Variants in SEMA4F observed in about 807,000 individuals in gnomAD.
SEMA4F encodes the protein semaphorin-4F.
SEMA4F carries 51 observed loss-of-function variants against 78.4 expected under a neutral mutation model. The observed-to-expected ratio is 0.65, with a 90% CI of 0.52 to 0.82. SEMA4F has a LOEUF of 0.82. Ranked by LOEUF, SEMA4F falls within the 40% of genes least tolerant of loss-of-function variation. The pLI, the probability that SEMA4F is intolerant of heterozygous loss-of-function variation, is 0.00. For synonymous variants in SEMA4F, 418 were observed against 408.7 expected (o/e 1.02, Z -0.27); for missense variants, 938 against 1,014.4 (o/e 0.92, Z 1.02).
the SEMA4F span, among the ~76,000 whole-genome samples, chr2:74,698,577 C>T: frequency 6.6e-6 from 1 of 152,224 alleles, no homozygotes; most frequent in African/African-American, 2.4e-5. Context: ...TTCAGGGGGC[C>T]CTGCCTCAAA....
chr2:74,703,142 ATAC>A, the SEMA4F span, among the ~76,000 whole-genome samples: 3,147 of 152,282 alleles, frequency 0.021, 113 homozygotes, highest in African/African-American at 0.071. Context: ...AAAATAAATA[ATAC>A]TACGGGTTGG....
In SEMA4F at chr2:74,654,384, C is replaced by T; in HGVS notation, c.8C>T (p.Ala3Val). The T allele has an allele frequency of 3.3e-6, 5 of 1,510,452 alleles. No individual in the cohort carries two copies. Among genetic ancestry groups the T allele is most frequent in the Non-Finnish European group, 4.4e-6 (5 of 1,137,394 alleles). 93.6% of individuals were successfully genotyped at this position (1,510,452 alleles called of 1,614,324 possible). Residue 3 changes from alanine (A) to valine (V), a missense_variant, in exon 1 of 14, where the codon GCC becomes GTC. Coordinates refer to ENST00000357877, the MANE Select transcript of SEMA4F (RefSeq NM_004263.5). Reference protein sequence around the residue: MPASAARPRPGPG... With the variant: MPVSAARPRPGPG... ...GGCCAGGCGGAGCCAAAGATGCCGG[C>T]CTCTGCTGCGCGGCCCCGCCCGGGT...
the SEMA4F span, among the ~76,000 whole-genome samples, chr2:74,689,713 T>C: frequency 6.6e-6 from 1 of 152,218 alleles, no homozygotes. Context: ...AGAAAAGTGT[T>C]TCCTGACAGA....
chr2:74,705,858 G>C, the SEMA4F span, among the ~76,000 whole-genome samples: 1 of 152,098 alleles, frequency 6.6e-6, no homozygotes, highest in Non-Finnish European at 1.5e-5. Context: ...TGAGCCACTG[G>C]GCCTGGCCAT....
chr2:74,701,903 C>A, the SEMA4F span, among the ~76,000 whole-genome samples: 1 of 152,162 alleles, frequency 6.6e-6, no homozygotes, highest in African/African-American at 2.4e-5. Flanking sequence ...AAAAGGTAAT[C>A]CCAGAGGTCA....
chr2:74,705,254 G>C, the SEMA4F span, among the ~76,000 whole-genome samples: 2 of 152,186 alleles, frequency 1.3e-5, no homozygotes, highest in Admixed American at 6.5e-5. Context: ...TATTTCAAAA[G>C]TGTTAACATT....
At chr2:74,654,696 C>T (rs1043325969) in intron 1 of SEMA4F, among the ~76,000 whole-genome samples, 175 bp downstream of exon 1, 2 of 152,052 alleles carry the variant, frequency 1.3e-5, no homozygotes, top group Non-Finnish European at 2.9e-5. Context: ...CGCATCCTCT[C>T]TGCATCCCTC....
At chr2:74,667,857 G>A (rs1192141825) in intron 5 of SEMA4F, among the ~76,000 whole-genome samples, 1 of 152,088 alleles carries the variant, frequency 6.6e-6, no homozygotes, top group Non-Finnish European at 1.5e-5. Context: ...GTGAGCCCAT[G>A]GCTTCTGTTT....
the SEMA4F span, among the ~76,000 whole-genome samples, chr2:74,699,702 G>T: frequency 6.6e-6 from 1 of 152,194 alleles, no homozygotes; most frequent in African/African-American, 2.4e-5. Flanking sequence ...AAGAGACATG[G>T]AGAAGGAGCG....
At chr2:74,705,731 T>C in the SEMA4F span, among the ~76,000 whole-genome samples, 2 of 152,160 alleles carry the variant, frequency 1.3e-5, no homozygotes, top group African/African-American at 4.8e-5. Context: ...GCCTAGCTAA[T>C]TTTTAATTTT....
At chr2:74,676,041 A>C (rs1394998491) in intron 12 of SEMA4F, 132 bp downstream of exon 12, 2 of 919,326 alleles carry the variant, frequency 2.2e-6, no homozygotes, top group Non-Finnish European at 3.2e-6. Context: ...TGTCTACATC[A>C]CTCGTGTGTC....
the SEMA4F span, among the ~76,000 whole-genome samples, chr2:74,705,963 C>CTTTT: frequency 1.6e-4 from 24 of 150,778 alleles, no homozygotes; most frequent in African/African-American, 5.4e-4. Context: ...ATTTTCTTTT[C>CTTTT]TTTTTTTTTG....
chr2:74,672,566 G>A (rs1201029233), intron 5 of SEMA4F, among the ~76,000 whole-genome samples: 1 of 152,098 alleles, frequency 6.6e-6, no homozygotes, highest in African/African-American at 2.4e-5. Flanking sequence ...TCATGACTTG[G>A]TACTACTCTC....
chr2:74,707,128 A>T, the SEMA4F span, among the ~76,000 whole-genome samples: 1 of 152,222 alleles, frequency 6.6e-6, no homozygotes, highest in African/African-American at 2.4e-5. Context: ...GTTGGAAAAA[A>T]TTACTATAAA....
the SEMA4F span, among the ~76,000 whole-genome samples, chr2:74,695,275 C>T: frequency 1.3e-5 from 2 of 152,180 alleles, no homozygotes; most frequent in Non-Finnish European, 2.9e-5. Flanking sequence ...GTGTCTTATA[C>T]TCGTAGAGCT....
chr2:74,700,235 T>C, the SEMA4F span, among the ~76,000 whole-genome samples: 1 of 152,128 alleles, frequency 6.6e-6, no homozygotes, highest in Non-Finnish European at 1.5e-5. Context: ...TCTGAAAGAA[T>C]GTAGGGGTAG....
At chr2:74,683,849 T>A (rs1685742390), downstream of SEMA4F, 1 of 152,196 alleles carries the variant, frequency 6.6e-6, no homozygotes. Context: ...ATAGTTTTTG[T>A]ACCTATGAGT....
chr2:74,692,714 T>G, the SEMA4F span, among the ~76,000 whole-genome samples: 1 of 152,112 alleles, frequency 6.6e-6, no homozygotes, highest in Non-Finnish European at 1.5e-5. Flanking sequence ...GTAAGCTTTT[T>G]TGGAGCCCAC....
chr2:74,695,068 A>AT, the SEMA4F span, among the ~76,000 whole-genome samples: 5,211 of 152,134 alleles, frequency 0.034, 268 homozygotes, highest in African/African-American at 0.11. Flanking sequence ...TGGGAGGAGA[A>AT]TTTTTTTTAT....
Sources: gnomAD v4.1 joint callset for allele counts (sites outside exome capture counted in the v4.1 genomes callset) on GRCh38, gnomAD v4.1.1 for gene constraint, MANE v1.5 for transcripts, NCBI Gene and HGNC (gene_info 2026-07-23, HGNC 2026-07-21) for gene names.